STK31: variants seen among roughly 807,000 people sequenced by gnomAD.
The protein encoded by STK31 is serine/threonine kinase 31, also known as serine/threonine-protein kinase 31.
In STK31, 89 loss-of-function variants were observed where a neutral mutation model predicts 129.7. The observed-to-expected ratio is 0.69, with a 90% CI of 0.58 to 0.82. The LOEUF (loss-of-function observed/expected upper bound fraction) is 0.82. STK31 is among the 40% of genes least tolerant of loss of function. STK31 has a pLI of 0.00. For missense variants in STK31, 1,187 were observed against 1,176.4 expected, an observed-to-expected ratio of 1.01 and a Z score of -0.13; for synonymous variants, 448 against 395.3, an observed-to-expected ratio of 1.13 and a Z score of -1.58.
intron 10 of STK31, among the ~76,000 whole-genome samples, chr7:23,756,249 T>TG (rs1449394894): frequency 6.6e-6 from 1 of 152,206 alleles, no homozygotes; most frequent in African/African-American, 2.4e-5. Context: ...TTTTATTCTG[T>TG]TTGTAGCAAT....
intron 8 of STK31, among the ~76,000 whole-genome samples, chr7:23,749,516 C>CTT (rs751693855): frequency 4.6e-5 from 6 of 130,810 alleles, no homozygotes; most frequent in African/African-American, 8.5e-5. Flanking sequence ...CTAATTTTTG[C>CTT]TTTTTTTTTT....
chr7:23,827,101 C>T (rs555488822), intron 23 of STK31, among the ~76,000 whole-genome samples: 1 of 152,094 alleles, frequency 6.6e-6, no homozygotes, highest in Admixed American at 6.6e-5. Flanking sequence ...TGAGGAGTAT[C>T]TTTGTGGCAT....
rs556914623 is a variant in STK31, at chr7:23,720,227, G to A, written c.249+2648G>A. On this transcript the variant is annotated intron_variant, in intron 4 of 23. Transcript: ENST00000355870. Reference sequence around the variant, plus strand: ...ACATGGCATGGGTCCCAAAGATTACGATATGTTTCAGAACAGGATTTTGAA... The same window carrying A: ...ACATGGCATGGGTCCCAAAGATTACAATATGTTTCAGAACAGGATTTTGAA... Among the ~76,000 whole-genome samples the A allele has an allele frequency of 8.5e-5, 13 of 152,264 alleles. No individual in the cohort carries two copies. The East Asian group carries it at 1.5e-3, about 18-fold the overall frequency.
intron 23 of STK31, among the ~76,000 whole-genome samples, chr7:23,827,146 C>T (rs979804228): frequency 1.3e-5 from 2 of 152,204 alleles, no homozygotes; most frequent in African/African-American, 2.4e-5. Context: ...GTTGGCCTGC[C>T]TTGCTAGGTT....
chr7:23,735,913 C>T lies in STK31; in HGVS notation c.842+17C>T. 3 of 1,528,580 alleles carry T rather than the reference C, an allele frequency of 2.0e-6. No individual in the cohort carries two copies. The highest frequency in any genetic ancestry group is 2.6e-6 in the Non-Finnish European group (3 of 1,132,692). 94.7% of individuals were successfully genotyped at this position (1,528,580 alleles called of 1,614,324 possible). A position where few individuals can be genotyped will look rare whatever the true frequency, so the allele number is the denominator to read the frequency against. On this transcript the variant is annotated intron_variant, in intron 7 of 23. Coordinates refer to ENST00000355870, the MANE Select transcript of STK31 (RefSeq NM_031414.5). ...ATTTCCAAAGTAAGAATTTAGTCTT[C>T]ACTAATTTCTAATTGATGGTAGAGG... is the stretch of plus-strand genomic sequence containing the variant.
chr7:23,815,437 A>G (rs1431734547), intron 23 of STK31, among the ~76,000 whole-genome samples: 1 of 152,164 alleles, frequency 6.6e-6, no homozygotes, highest in Non-Finnish European at 1.5e-5. Flanking sequence ...ATAATCTAAC[A>G]ATTAGGGAAG....
chr7:23,762,364 A>G (rs536462701), intron 10 of STK31, among the ~76,000 whole-genome samples: 53 of 152,102 alleles, frequency 3.5e-4, no homozygotes, highest in African/African-American at 1.2e-3. Flanking sequence ...AAATGCATAG[A>G]GTTCTTGGAT....
At chr7:23,808,376 C>G (rs1223603952) in intron 22 of STK31, among the ~76,000 whole-genome samples, 2 of 151,874 alleles carry the variant, frequency 1.3e-5, no homozygotes, top group African/African-American at 2.4e-5. Flanking sequence ...CCAGGAGGAG[C>G]AAAGTGTTAG....
At chr7:23,796,406 A>C (rs1484528647) in intron 22 of STK31, among the ~76,000 whole-genome samples, 1 of 151,954 alleles carries the variant, frequency 6.6e-6, no homozygotes, top group Non-Finnish European at 1.5e-5. Context: ...TAAGTGTGGT[A>C]ATAGCAGTTT....
At chr7:23,793,737 G>A (rs1055180998) in intron 22 of STK31, among the ~76,000 whole-genome samples, 4 of 152,090 alleles carry the variant, frequency 2.6e-5, no homozygotes, top group Non-Finnish European at 4.4e-5. Flanking sequence ...TCGTACCAAC[G>A]GTTGCTTAGA....
intron 6 of STK31, among the ~76,000 whole-genome samples, chr7:23,735,255 G>A (rs1015086569): frequency 5.9e-5 from 9 of 152,102 alleles, no homozygotes; most frequent in African/African-American, 2.2e-4. Context: ...AATGTAATCT[G>A]CTGGGTTAAA....
chr7:23,809,518 CCCA>C (rs1792951887), intron 22 of STK31, among the ~76,000 whole-genome samples: 1 of 152,072 alleles, frequency 6.6e-6, no homozygotes, highest in Non-Finnish European at 1.5e-5. Context: ...TTTCGGGACC[CCCA>C]CATATGCCAA....
chr7:23,719,341 A>G (rs1786540140), intron 4 of STK31, among the ~76,000 whole-genome samples: 1 of 152,110 alleles, frequency 6.6e-6, no homozygotes, highest in Admixed American at 6.6e-5. Context: ...ATCTTCAAAT[A>G]TATCCTCAAC....
At chr7:23,786,949 C>G in intron 20 of STK31, 25 bp downstream of exon 20, 1 of 1,588,598 alleles carries the variant, frequency 6.3e-7, no homozygotes, top group Non-Finnish European at 8.6e-7. Context: ...CTATTTATTT[C>G]CATGGATGTA....
chr7:23,782,471 CAA>C (rs66962254), intron 16 of STK31, among the ~76,000 whole-genome samples: 3,136 of 84,506 alleles, frequency 0.037, 36 homozygotes, highest in African/African-American at 0.079. Context: ...GACCCTGTCT[CAA>C]AAAAAAAAAA....
intron 8 of STK31, among the ~76,000 whole-genome samples, chr7:23,738,239 A>G (rs571115354): frequency 1.3e-5 from 2 of 152,294 alleles, no homozygotes; most frequent in South Asian, 4.1e-4. Flanking sequence ...AGCCAAATAA[A>G]TGGAAGATAT....
At position 23,752,827 on chromosome 7, in the gene STK31, A is replaced by T; in HGVS notation, c.1128A>T (p.Glu376Asp). ...NLAAKMEILK[E>D]MRHVDISVRF... Reference sequence around the variant, plus strand: ...CAGCTAAGATGGAAATACTGAAAGAAATGAGGTAGGTAAAAGCATATTTTT... The same window carrying T: ...CAGCTAAGATGGAAATACTGAAAGATATGAGGTAGGTAAAAGCATATTTTT... Residue 376 changes from glutamate (E) to aspartate (D), a missense_variant, in exon 9 of 24, where the codon GAA (glutamate) becomes GAT (aspartate). Glu to Asp is a conservative substitution (Grantham distance 45). Coordinates refer to ENST00000355870, the MANE Select transcript of STK31 (RefSeq NM_031414.5). 6.3e-7 allele frequency: 1 copy of T among 1,589,322 alleles called. No individual in the cohort carries two copies. The highest frequency in any genetic ancestry group is 8.6e-7 in the Non-Finnish European group (1 of 1,158,836).
intron 3 of STK31, among the ~76,000 whole-genome samples, chr7:23,714,113 A>G (rs554551710): frequency 5.8e-4 from 89 of 152,260 alleles, no homozygotes; most frequent in African/African-American, 2.1e-3. Flanking sequence ...TGTGTGGTTC[A>G]TTCTTTGACC....
intron 23 of STK31, among the ~76,000 whole-genome samples, chr7:23,821,275 A>T (rs868445732): frequency 2.3e-4 from 35 of 152,242 alleles, no homozygotes; most frequent in Middle Eastern, 3.4e-3. Flanking sequence ...AATGTATAAC[A>T]GTTTCCTGTT....
Sources: gnomAD v4.1 joint callset for allele counts (sites outside exome capture counted in the v4.1 genomes callset) on GRCh38, gnomAD v4.1.1 for gene constraint, MANE v1.5 for transcripts, NCBI Gene and HGNC (gene_info 2026-07-23, HGNC 2026-07-21) for gene names.